Variants in DLX3 observed in about 807,000 individuals in gnomAD.
DLX3 encodes the protein distal-less homeobox 3.
Under a neutral mutation model 28.0 loss-of-function variants are expected in DLX3, and 9 were observed. The ratio of observed to expected loss-of-function variants is 0.32; its 90% CI spans 0.19 to 0.56. DLX3 has a LOEUF of 0.56. Among genes scored for constraint, DLX3 ranks in the 20% least tolerant of loss-of-function variants. The probability of loss-of-function intolerance (pLI) is 0.91; values close to 1 mark genes in which losing one functional copy is unlikely to be tolerated. For missense variants in DLX3, 313 were observed against 378.2 expected (o/e 0.83, Z 1.43); for synonymous variants, 154 against 167.9 (o/e 0.92, Z 0.64).
At chr17:49,993,646 C>T (rs1156902009) in intron 1 of DLX3, 56 bp from the exon 2 acceptor site, 7 of 1,585,782 alleles carry the variant, frequency 4.4e-6, no homozygotes, top group Non-Finnish European at 6.0e-6. Flanking sequence ...CCTGCGACTC[C>T]TGCGACCCTC....
At chr17:49,993,823 T>C in intron 1 of DLX3, 1 of 253,078 alleles carries the variant, frequency 4.0e-6, no homozygotes. Flanking sequence ...GCCGCAGCAC[T>C]GTCCCCGGCG....
intron 1 of DLX3, 23 bp downstream of exon 1, chr17:49,994,651 C>T (rs371923723): frequency 8.7e-5 from 141 of 1,613,658 alleles, no homozygotes; most frequent in Non-Finnish European, 1.1e-4. Context: ...CTCCCACTGT[C>T]CTCGCGACCC....
Position 49,994,847 on chromosome 17 carries a change from T to G in DLX3, c.152A>C (p.Tyr51Ser). 1 of 1,613,924 alleles carries G rather than the reference T, an allele frequency of 6.2e-7. No homozygotes were observed. Among genetic ancestry groups the G allele is most frequent in the Non-Finnish European group, 8.5e-7 (1 of 1,179,980 alleles). The change falls in exon 1 of 3, where the codon TAC becomes TCC. Residue 51 changes from tyrosine to serine, a missense_variant. Physicochemically the swap from Tyr to Ser is moderately radical, Grantham distance 144. Transcript: ENST00000434704. ...GYYSAPQHDY[Y>S]SGQPYGQTVN... ...CGTCTGGCCATAGGGCTGGCCCGAG[T>G]AGTAATCGTGCTGGGGAGCGCTGTA... is the stretch of plus-strand genomic sequence containing the variant.
chr17:49,994,631 C>T, intron 1 of DLX3, 43 bp downstream of exon 1: 1 of 1,609,602 alleles, frequency 6.2e-7, no homozygotes, highest in African/African-American at 1.3e-5. Flanking sequence ...CCTCGGGAAC[C>T]TTCCAGTGTC....
In DLX3 at chr17:49,994,677, G is replaced by A. The variant is rs1257609206; in HGVS notation, c.322C>T (p.Pro108Ser). 2 of 1,613,952 alleles carry A rather than the reference G, an allele frequency of 1.2e-6. No individual in the cohort carries two copies. Among genetic ancestry groups the A allele is most frequent in the African/African-American group, 1.3e-5 (1 of 74,908 alleles). Residue 108 changes from proline to serine, a missense_variant, in exon 1 of 3, where the codon CCA (proline) becomes TCA (serine). Physicochemically the swap from Pro to Ser is moderately conservative, Grantham distance 74. Transcript: ENST00000434704. ...YREQPLPAQD[P>S]VSVKEEPEAE... Reference sequence around the variant, plus strand: ...CTCGCGACCCCGTGGCCCTCACCTGGGTCCTGGGCTGGCAGCGGCTGCTCC... The same window carrying A: ...CTCGCGACCCCGTGGCCCTCACCTGAGTCCTGGGCTGGCAGCGGCTGCTCC...
rs1906230023 is a variant in DLX3, at chr17:49,995,054, C to A, written c.-56G>T. ...GCCTCCGCAGAGGACAGGAACGGACCGGAGTGCGAGAGAGGCGGAAGAGAC... is the reference window on the plus strand; with the variant it reads ...GCCTCCGCAGAGGACAGGAACGGACAGGAGTGCGAGAGAGGCGGAAGAGAC... On this transcript the variant is annotated 5_prime_UTR_variant, in exon 1 of 3. Transcript: ENST00000434704. 1 of 1,587,360 alleles carries A rather than the reference C, an allele frequency of 6.3e-7. No individual in the cohort carries two copies. The highest frequency in any genetic ancestry group is 1.7e-5 in the Admixed American group (1 of 57,324).
rs1437199555 is a variant in DLX3, at chr17:49,990,662, G to A, written c.*855C>T. 1 of 152,660 alleles carries A rather than the reference G, an allele frequency of 6.6e-6. No individual in the cohort carries two copies. 9.5% of individuals were successfully genotyped at this position (152,660 alleles called of 1,614,324 possible). ...TGGAGGAGTAGAGAAGGTGAGGTGG[G>A]GGCAGGGACAGAACAGAGGCACCCT... On this transcript the variant is annotated 3_prime_UTR_variant, in exon 3 of 3. Transcript: ENST00000434704.
At position 49,994,917 on chromosome 17, in the gene DLX3, C is replaced by A. The variant is rs147702169; in HGVS notation, c.82G>T (p.Asp28Tyr). 815 of 1,614,138 alleles carry A rather than the reference C, an allele frequency of 5.0e-4. No individual in the cohort carries two copies. The highest frequency in any genetic ancestry group is 5.7e-4 in the Non-Finnish European group (676 of 1,180,052). The change falls in exon 1 of 3, where the codon GAC becomes TAC. Residue 28 changes from aspartate to tyrosine, a missense_variant. Transcript: ENST00000434704. ...GAAGACTCGGGCAGGGTAGGCGAGTCCTTGGAGCCCGCATGGCAGCTAAGG... is the reference window on the plus strand; with the variant it reads ...GAAGACTCGGGCAGGGTAGGCGAGTACTTGGAGCCCGCATGGCAGCTAAGG... ...SSLSCHAGSKDSPTLPESSVT... is the reference protein window; with the variant it reads ...SSLSCHAGSKYSPTLPESSVT...
intron 1 of DLX3, among the ~76,000 whole-genome samples, chr17:49,994,470 T>A (rs1367325644): frequency 6.6e-6 from 1 of 152,242 alleles, no homozygotes; most frequent in African/African-American, 2.4e-5. Context: ...CGCGGCGCAC[T>A]GCGCACATCG....
At chr17:49,992,292 T>G (rs1324618024) in intron 2 of DLX3, among the ~76,000 whole-genome samples, 1 of 152,140 alleles carries the variant, frequency 6.6e-6, no homozygotes, top group Non-Finnish European at 1.5e-5. Flanking sequence ...TTGTAGCATT[T>G]CATTCACATT....
intron 1 of DLX3, 76 bp downstream of exon 1, chr17:49,994,598 C>T: frequency 6.4e-7 from 1 of 1,551,898 alleles, no homozygotes; most frequent in Non-Finnish European, 8.8e-7. Flanking sequence ...TAGATTTTGG[C>T]TTCCAGTCCA....
chr17:49,994,019 A>C (rs970856199), intron 1 of DLX3, among the ~76,000 whole-genome samples: 1 of 151,486 alleles, frequency 6.6e-6, no homozygotes, highest in African/African-American at 2.4e-5. Flanking sequence ...TTCATTTTAG[A>C]ATCTCTTTAG....
chr17:49,991,225 C>G lies in DLX3; in HGVS notation c.*292G>C, dbSNP rs997358108. On this transcript the variant is annotated 3_prime_UTR_variant, in exon 3 of 3. Coordinates refer to ENST00000434704, the MANE Select transcript of DLX3 (RefSeq NM_005220.3). Reference sequence around the variant, plus strand: ...CTGGAAGATGATGAGCCATTTAAAGCCAATCCAGGCTCCTGGAGCAGGTAG... The same window carrying G: ...CTGGAAGATGATGAGCCATTTAAAGGCAATCCAGGCTCCTGGAGCAGGTAG... The G allele has an allele frequency of 2.4e-6, 1 of 414,298 alleles. No homozygotes were observed. The highest frequency in any genetic ancestry group is 5.3e-5 in the South Asian group (1 of 19,008). The allele number at this position is 414,298 out of a possible 1,614,324, so 25.7% of individuals were successfully genotyped here.
intron 1 of DLX3, among the ~76,000 whole-genome samples, chr17:49,993,986 C>G (rs1906193633): frequency 6.6e-6 from 1 of 152,132 alleles, no homozygotes; most frequent in African/African-American, 2.4e-5. Context: ...CCTTCCCGTC[C>G]GCCCCCCGCC....
rs555154961 is a variant in DLX3, at chr17:49,991,401, G to A, written c.*116C>T. On this transcript the variant is annotated 3_prime_UTR_variant, in exon 3 of 3. Transcript: ENST00000434704. ...GGTCCCTGGAGGAAGGGGCAAGGGA[G>A]GGGGAAAGGGAGTTCCTTTTCCCTG... 38 of 934,806 alleles carry A rather than the reference G, an allele frequency of 4.1e-5. No homozygotes were observed. The highest frequency in any genetic ancestry group is 4.0e-4 in the African/African-American group (24 of 60,388). 57.9% of individuals were successfully genotyped at this position (934,806 alleles called of 1,614,324 possible). A position where few individuals can be genotyped will look rare whatever the true frequency, so the allele number is the denominator to read the frequency against.
rs760473818 is a variant in DLX3 at position 49,991,562 on chromosome 17, G to A, written c.819C>T (p.His273=). Residue 273 remains histidine, a synonymous_variant, in exon 3 of 3, where the codon CAC becomes CAT. Coordinates refer to ENST00000434704, the MANE Select transcript of DLX3 (RefSeq NM_005220.3). ...TGGGCGGGGGCCCGGGAGAGGCATG[G>A]TGCAGGGTGGCTGGCTGAGGCGGCT... The part of the protein sequence containing the change: ...QQQPPQPATL[H]HASPGPPPNP... The A allele has an allele frequency of 2.5e-6, 4 of 1,611,918 alleles. No individual in the cohort carries two copies. Among genetic ancestry groups the A allele is most frequent in the African/African-American group, 1.3e-5 (1 of 74,916 alleles).
Position 49,991,661 on chromosome 17 carries a change from G to T in DLX3, c.720C>A (p.Ser240=). 1 of 1,613,986 alleles carries T rather than the reference G, an allele frequency of 6.2e-7. No individual in the cohort carries two copies. The highest frequency in any genetic ancestry group is 8.5e-7 in the Non-Finnish European group (1 of 1,179,992). ...TGGTGGGGTCGTCCAGGTAGCTGGGGGAGGCACTGTATGGGAGCGGCGGGG... is the reference window on the plus strand; with the variant it reads ...TGGTGGGGTCGTCCAGGTAGCTGGGTGAGGCACTGTATGGGAGCGGCGGGG... ...QLPPPLPYSA[S]PSYLDDPTNS... The change falls in exon 3 of 3, where the codon TCC becomes TCA. Residue 240 remains serine (S), a synonymous_variant. Transcript: ENST00000434704.
chr17:49,994,770 T>C lies in DLX3; in HGVS notation c.229A>G (p.Thr77Ala). The change falls in exon 1 of 3, where the codon ACG becomes GCG. Residue 77 changes from threonine to alanine, a missense_variant. Coordinates refer to ENST00000434704, the MANE Select transcript of DLX3 (RefSeq NM_005220.3). ...HQFNLNGLAGTGAYSPKSEYT... is the reference protein window; with the variant it reads ...HQFNLNGLAGAGAYSPKSEYT... ...TCCGACTTGGGCGAGTAAGCGCCCGTGCCTGCAAGCCCATTGAGATTGAAT... is the reference window on the plus strand; with the variant it reads ...TCCGACTTGGGCGAGTAAGCGCCCGCGCCTGCAAGCCCATTGAGATTGAAT... The C allele has an allele frequency of 6.2e-7, 1 of 1,614,222 alleles. No individual in the cohort carries two copies. The highest frequency in any genetic ancestry group is 8.5e-7 in the Non-Finnish European group (1 of 1,180,032).
Position 49,991,719 on chromosome 17 carries a change from T to C in DLX3, c.662A>G (p.His221Arg). The C allele has an allele frequency of 6.2e-7, 1 of 1,611,122 alleles. No homozygotes were observed. Among genetic ancestry groups the C allele is most frequent in the Non-Finnish European group, 8.5e-7 (1 of 1,179,138 alleles). The change falls in exon 3 of 3, where the codon CAC (histidine) becomes CGC (arginine). Residue 221 changes from histidine to arginine, a missense_variant. His to Arg is a conservative substitution (Grantham distance 29). This residue lies in a region of DLX3 where 120 missense variants were observed against 145.4 expected (regional missense o/e 0.83). Coordinates refer to ENST00000434704, the MANE Select transcript of DLX3 (RefSeq NM_005220.3). Reference sequence around the variant, plus strand: ...ACTGCGGGCAGGGGCCGGAGTGGAGTGGGAAGAGGTGTCCCAGAGGGCGGG... The same window carrying C: ...ACTGCGGGCAGGGGCCGGAGTGGAGCGGGAAGAGGTGTCCCAGAGGGCGGG... ...PSPALWDTSS[H>R]STPAPARSQL...
Sources: gnomAD v4.1 joint callset for allele counts (sites outside exome capture counted in the v4.1 genomes callset) on GRCh38, gnomAD v4.1.1 for gene constraint, gnomAD v4.1.1 regional missense constraint, MANE v1.5 for transcripts, NCBI Gene and HGNC (gene_info 2026-07-23, HGNC 2026-07-21) for gene names.